The following CLCA4 variants were observed in gnomAD, a reference collection of about 807,000 sequenced individuals.
CLCA4 encodes chloride channel accessory 4.
Under a neutral mutation model 78.9 loss-of-function variants are expected in CLCA4, and 69 were observed. That is an observed-to-expected ratio of 0.87 (90% CI 0.72 to 1.07). The LOEUF (loss-of-function observed/expected upper bound fraction) is 1.07. Among genes scored for constraint, CLCA4 ranks in the 50% least tolerant of loss-of-function variants. The pLI is 0.00. For missense variants in CLCA4, 1,133 were observed against 1,095.8 expected, an observed-to-expected ratio of 1.03 and a Z score of -0.48; for synonymous variants, 362 against 375.8, an observed-to-expected ratio of 0.96 and a Z score of 0.42.
At chr1:86,562,900 GACTTCTTCAT>G (rs1650067661) in intron 3 of CLCA4, among the ~76,000 whole-genome samples, 1 of 149,916 alleles carries the variant, frequency 6.7e-6, no homozygotes, top group African/African-American at 2.4e-5. Flanking sequence ...AAAGAAACAT[GACTTCTTCAT>G]ACTGTGGTGT....
intron 11 of CLCA4, 88 bp downstream of exon 11, chr1:86,575,687 G>A: frequency 8.4e-7 from 1 of 1,195,152 alleles, no homozygotes; most frequent in Non-Finnish European, 1.2e-6. Context: ...AGTAAGACAG[G>A]CAACAGAATT....
intron 13 of CLCA4, 81 bp from the exon 14 acceptor site, chr1:86,579,861 T>A: frequency 1.0e-6 from 1 of 981,844 alleles, no homozygotes; most frequent in Non-Finnish European, 1.5e-6. Context: ...TTTGCATAAC[T>A]AGACATTTTT....
intron 3 of CLCA4, among the ~76,000 whole-genome samples, chr1:86,561,564 G>C (rs370487447): frequency 2.6e-5 from 4 of 152,100 alleles, no homozygotes; most frequent in Non-Finnish European, 5.9e-5. Context: ...TATAGCAGCT[G>C]TTCTAAAATG....
At chr1:86,576,280 C>T (rs1479067818) in intron 11 of CLCA4, among the ~76,000 whole-genome samples, 2 of 151,988 alleles carry the variant, frequency 1.3e-5, no homozygotes, top group Admixed American at 1.3e-4. Flanking sequence ...CCTCCTATCT[C>T]AGCATCCCAA....
In CLCA4 at chr1:86,565,465, T is replaced by C. The variant is rs1157725307; in HGVS notation, c.735+14T>C. On this transcript the variant is annotated intron_variant, in intron 5 of 13. Coordinates refer to ENST00000370563, the MANE Select transcript of CLCA4 (RefSeq NM_012128.4). ...AGTATTGATTCTGTAAGTATGCTGA[T>C]AATTGCTTCCAGAATTTATAATCAA... 1.3e-6 allele frequency: 2 copies of C among 1,541,674 alleles called. No individual in the cohort carries two copies. The highest frequency in any genetic ancestry group is 1.2e-5 in the South Asian group (1 of 82,026).
intron 5 of CLCA4, 127 bp downstream of exon 5, chr1:86,565,578 C>T: frequency 1.3e-6 from 1 of 759,330 alleles, no homozygotes; most frequent in Non-Finnish European, 2.1e-6. Context: ...CACTGGCTAA[C>T]ACATAGTATT....
Position 86,547,136 on chromosome 1 carries a change from G to T in CLCA4, c.17G>T (p.Gly6Val). 1 of 1,605,936 alleles carries T rather than the reference G, an allele frequency of 6.2e-7. No homozygotes were observed. Among genetic ancestry groups the T allele is most frequent in the Non-Finnish European group, 8.5e-7 (1 of 1,177,986 alleles). Reference sequence around the variant, plus strand: ...AGAGGAACAATGGGGTTATTCAGAGGTTTTGTTTTCCTCTTAGTTCTGTGC... The same window carrying T: ...AGAGGAACAATGGGGTTATTCAGAGTTTTTGTTTTCCTCTTAGTTCTGTGC... The part of the protein sequence containing the change: MGLFR[G>V]FVFLLVLCLL... The change falls in exon 1 of 14, where the codon GGT (glycine) becomes GTT (valine). Residue 6 changes from glycine (G) to valine (V), a missense_variant. Physicochemically the swap from Gly to Val is moderately radical, Grantham distance 109. Transcript: ENST00000370563.
At chr1:86,574,403 G>A (rs1034095868) in intron 9 of CLCA4, 137 bp from the exon 10 acceptor site, 11 of 635,708 alleles carry the variant, frequency 1.7e-5, no homozygotes, top group Admixed American at 8.4e-5. Flanking sequence ...ATCATCACCA[G>A]CTTGCAGAGA....
intron 2 of CLCA4, 49 bp from the exon 3 acceptor site, chr1:86,560,162 A>G: frequency 2.5e-6 from 4 of 1,572,590 alleles, no homozygotes; most frequent in Non-Finnish European, 2.6e-6. Flanking sequence ...CTAACTGAAT[A>G]TTATCTTTTT....
In CLCA4 at chr1:86,551,825, G is replaced by T. The variant is rs138777823; in HGVS notation, c.159+4547G>T. Among the ~76,000 whole-genome samples the T allele has an allele frequency of 2.1e-4, 32 of 152,266 alleles. No individual in the cohort carries two copies. In the East Asian group the frequency reaches 6.0e-3, roughly 28 times the overall value. On this transcript the variant is annotated intron_variant, in intron 1 of 13. Transcript: ENST00000370563. Reference sequence around the variant, plus strand: ...CTTCAATGACATTTACACATAAATAGACATAAATAAAATTCTCCATAATTT... The same window carrying T: ...CTTCAATGACATTTACACATAAATATACATAAATAAAATTCTCCATAATTT...
intron 1 of CLCA4, among the ~76,000 whole-genome samples, chr1:86,547,903 T>C (rs1225666401): frequency 1.3e-5 from 2 of 152,242 alleles, no homozygotes; most frequent in African/African-American, 2.4e-5. Flanking sequence ...TTGGCCATCA[T>C]GAATAGTGCT....
At position 86,575,586 on chromosome 1, in the gene CLCA4, G is replaced by A. The variant is rs576707311; in HGVS notation, c.1938G>A (p.Leu646=). ...QNGHTEVLEL[L]DNGAGADSFK... is the part of the protein sequence containing the mutation. Reference sequence around the variant, plus strand: ...GACATACAGAAGTTTTGGAACTTTTGGATAATGGTGCAGGTAATTCACAGG... The same window carrying A: ...GACATACAGAAGTTTTGGAACTTTTAGATAATGGTGCAGGTAATTCACAGG... Residue 646 remains leucine, a synonymous_variant, in exon 11 of 14, where the codon TTG becomes TTA. Coordinates refer to ENST00000370563, the MANE Select transcript of CLCA4 (RefSeq NM_012128.4). The A allele has an allele frequency of 3.7e-6, 6 of 1,612,082 alleles. No individual in the cohort carries two copies. The East Asian group carries it at 1.3e-4, about 36-fold the overall frequency.
Position 86,580,286 on chromosome 1 carries a change from G to A in CLCA4, c.2701G>A (p.Val901Ile), listed in dbSNP as rs756301044. ...HNSGVNISTL[V>I]LSVIGSVVIV... ...TTCTGGAGTTAATATTTCTACGCTG[G>A]TATTGTCTGTGATTGGGTCTGTTGT... is the stretch of plus-strand genomic sequence containing the variant. The change falls in exon 14 of 14, where the codon GTA becomes ATA. Residue 901 changes from valine to isoleucine, a missense_variant. Transcript: ENST00000370563. 1.9e-6 allele frequency: 3 copies of A among 1,611,274 alleles called. No homozygotes were observed. Among genetic ancestry groups the A allele is most frequent in the Non-Finnish European group, 2.5e-6 (3 of 1,178,892 alleles).
At chr1:86,572,988 C>T (rs1650399260) in intron 9 of CLCA4, 1 of 367,192 alleles carries the variant, frequency 2.7e-6, no homozygotes, top group Admixed American at 4.0e-5. Context: ...GTTATAATGT[C>T]AAATTTTTCA....
At chr1:86,551,769 A>G (rs760576819) in intron 1 of CLCA4, among the ~76,000 whole-genome samples, 22 of 152,218 alleles carry the variant, frequency 1.4e-4, no homozygotes, top group Non-Finnish European at 1.3e-4. Context: ...GGTGCCCGTG[A>G]TCTCCAAACA....
At chr1:86,553,170 C>A (rs1649716601) in intron 1 of CLCA4, 1 of 1,102,710 alleles carries the variant, frequency 9.1e-7, no homozygotes, top group South Asian at 1.3e-5. Context: ...GAGGATTGAG[C>A]GGCACAGGTT....
At chr1:86,547,533 C>T (rs1038713079) in intron 1 of CLCA4, among the ~76,000 whole-genome samples, 1 of 152,078 alleles carries the variant, frequency 6.6e-6, no homozygotes, top group African/African-American at 2.4e-5. Context: ...TTTAATTTTC[C>T]TATTGTACTA....
chr1:86,557,467 CCAAAA>C (rs1159779748), intron 1 of CLCA4, among the ~76,000 whole-genome samples: 2 of 152,080 alleles, frequency 1.3e-5, no homozygotes, highest in African/African-American at 4.8e-5. Context: ...TTATTATTTA[CCAAAA>C]CAAAAGTCAT....
intron 1 of CLCA4, among the ~76,000 whole-genome samples, chr1:86,555,766 T>A (rs1185905550): frequency 2.0e-5 from 3 of 152,212 alleles, no homozygotes; most frequent in Non-Finnish European, 4.4e-5. Flanking sequence ...GGAATAGCAA[T>A]GAATCTATAA....
Sources: gnomAD v4.1 joint callset for allele counts (sites outside exome capture counted in the v4.1 genomes callset) on GRCh38, gnomAD v4.1.1 for gene constraint, MANE v1.5 for transcripts, NCBI Gene and HGNC (gene_info 2026-07-23, HGNC 2026-07-21) for gene names.